SRPK2: variants seen among roughly 807,000 people sequenced by gnomAD.
SRPK2 encodes the protein SFRS protein kinase 2.
Under a neutral mutation model 90.8 loss-of-function variants are expected in SRPK2, and 21 were observed. The observed-to-expected ratio is 0.23, with a 90% CI of 0.16 to 0.33. SRPK2 has a LOEUF of 0.33. Ranked by LOEUF, SRPK2 falls within the 10% of genes least tolerant of loss-of-function variation. SRPK2 has a pLI of 1.00. For synonymous variants in SRPK2, 288 were observed against 311.1 expected (o/e 0.93, Z 0.78); for missense variants, 620 against 869.0 (o/e 0.71, Z 3.60).
At position 105,203,759 on chromosome 7, in the gene SRPK2, A is replaced by G; in HGVS notation, c.98T>C (p.Leu33Ser). The G allele has an allele frequency of 6.2e-7, 1 of 1,600,240 alleles. No individual in the cohort carries two copies. The highest frequency in any genetic ancestry group is 8.5e-7 in the Non-Finnish European group (1 of 1,173,146). The change falls in exon 3 of 16, where the codon TTA (leucine) becomes TCA (serine). Residue 33 changes from leucine (L) to serine (S), a missense_variant. Leu to Ser is a moderately radical substitution (Grantham distance 145). Coordinates refer to ENST00000393651, the MANE Select transcript of SRPK2 (RefSeq NM_182692.3). The stretch of plus-strand genomic sequence containing the variant: ...TGGTGGCGGTGGAGGAGGAGGAACT[A>G]AAGGAGCTTTCTGTTGAGGCTCCGG... ...KKPEPQQKAP[L>S]VPPPPPPPPP...
chr7:105,300,129 T>C (rs2131228816), intron 2 of SRPK2, among the ~76,000 whole-genome samples: 1 of 151,886 alleles, frequency 6.6e-6, no homozygotes, highest in Admixed American at 6.6e-5. Context: ...GGCGTGCATC[T>C]GTAGGCCCCG....
chr7:105,227,037 G>A (rs1798799904), intron 2 of SRPK2, among the ~76,000 whole-genome samples: 1 of 152,058 alleles, frequency 6.6e-6, no homozygotes, highest in Non-Finnish European at 1.5e-5. Flanking sequence ...GCGCTTGTGT[G>A]TCACCAGATT....
At chr7:105,362,387 C>T (rs2132281674) in intron 2 of SRPK2, among the ~76,000 whole-genome samples, 1 of 152,120 alleles carries the variant, frequency 6.6e-6, no homozygotes, top group South Asian at 2.1e-4. Context: ...GCGGGTGGAT[C>T]ACAAGGTTGG....
At chr7:105,287,604 C>T (rs1042299232) in intron 2 of SRPK2, among the ~76,000 whole-genome samples, 2 of 151,922 alleles carry the variant, frequency 1.3e-5, no homozygotes, top group Non-Finnish European at 2.9e-5. Context: ...GGTGTGGTGG[C>T]ACATGCCTGC....
At chr7:105,291,173 C>T (rs1407721256) in intron 2 of SRPK2, among the ~76,000 whole-genome samples, 2 of 151,888 alleles carry the variant, frequency 1.3e-5, no homozygotes, top group East Asian at 1.9e-4. Context: ...GGACTTAAGT[C>T]GGTACTGGTA....
intron 2 of SRPK2, among the ~76,000 whole-genome samples, chr7:105,324,249 T>C (rs1334317376): frequency 6.6e-6 from 1 of 151,942 alleles, no homozygotes; most frequent in Non-Finnish European, 1.5e-5. Flanking sequence ...CCTCATGATC[T>C]GCCCATCTCA....
At chr7:105,281,865 G>A (rs1009767653) in intron 2 of SRPK2, among the ~76,000 whole-genome samples, 24 of 152,142 alleles carry the variant, frequency 1.6e-4, no homozygotes, top group Non-Finnish European at 5.9e-5. Context: ...ATTTAATATT[G>A]TTAAGATGGC....
chr7:105,386,569 T>A (rs1040019810), intron 2 of SRPK2, among the ~76,000 whole-genome samples: 2 of 151,034 alleles, frequency 1.3e-5, no homozygotes, highest in Non-Finnish European at 2.9e-5. Context: ...ACAAAAAAAA[T>A]AGCTAGGCTT....
intron 7 of SRPK2, among the ~76,000 whole-genome samples, chr7:105,149,102 G>A (rs1338349616): frequency 3.8e-4 from 58 of 152,246 alleles, no homozygotes; most frequent in Admixed American, 3.5e-3. Flanking sequence ...TCTGTGCTGA[G>A]ATGGATTAGT....
chr7:105,200,954 T>C (rs1396770351), intron 3 of SRPK2, among the ~76,000 whole-genome samples: 3 of 152,212 alleles, frequency 2.0e-5, no homozygotes, highest in African/African-American at 7.2e-5. Context: ...GTATCAGTGT[T>C]AAATTTCTGA....
At chr7:105,200,697 G>A (rs1460710481) in intron 3 of SRPK2, among the ~76,000 whole-genome samples, 2 of 152,212 alleles carry the variant, frequency 1.3e-5, no homozygotes, top group East Asian at 3.9e-4. Context: ...AGGATTTAAT[G>A]CAAAAAGACA....
intron 13 of SRPK2, among the ~76,000 whole-genome samples, chr7:105,130,566 AC>A (rs917125535): frequency 6.6e-6 from 1 of 151,536 alleles, no homozygotes; most frequent in African/African-American, 2.4e-5. Flanking sequence ...AACAAACAAA[AC>A]CCTCAAAGAC....
At chr7:105,154,647 TATA>T (rs567594772) in intron 7 of SRPK2, among the ~76,000 whole-genome samples, 50 of 152,106 alleles carry the variant, frequency 3.3e-4, no homozygotes, top group Non-Finnish European at 6.5e-4. Flanking sequence ...GGTTACATAT[TATA>T]ATATCTACTT....
chr7:105,370,613 TTTC>T (rs1411196069), intron 2 of SRPK2, among the ~76,000 whole-genome samples: 5 of 125,340 alleles, frequency 4.0e-5, no homozygotes, highest in Non-Finnish European at 9.2e-5. Context: ...ATTTTTTTTC[TTTC>T]TTTTTTTTTT....
intron 2 of SRPK2, among the ~76,000 whole-genome samples, chr7:105,363,807 G>A (rs1461932411): frequency 6.6e-6 from 1 of 152,096 alleles, no homozygotes; most frequent in Non-Finnish European, 1.5e-5. Flanking sequence ...ATGATAGAGT[G>A]GATTAAGAAA....
chr7:105,126,234 A>C lies in SRPK2; in HGVS notation c.1915+14T>G. 1 of 1,596,830 alleles carries C rather than the reference A, an allele frequency of 6.3e-7. No homozygotes were observed. Among genetic ancestry groups the C allele is most frequent in the Non-Finnish European group, 8.6e-7 (1 of 1,164,662 alleles). On this transcript the variant is annotated intron_variant, in intron 15 of 15. Coordinates refer to ENST00000393651, the MANE Select transcript of SRPK2 (RefSeq NM_182692.3). ...GTCTGCATCGTGGCGCTTTTCAAAA[A>C]GAAGAGGTACTACCTCTGCGATTGA...
At chr7:105,115,879 CAT>C (rs1562942465), downstream of SRPK2, among the ~76,000 whole-genome samples, 1 of 151,784 alleles carries the variant, frequency 6.6e-6, no homozygotes, top group East Asian at 1.9e-4. Context: ...GGATGTTTCT[CAT>C]AGAAATCACG....
At chr7:105,265,933 C>A (rs994829781) in intron 2 of SRPK2, among the ~76,000 whole-genome samples, 1 of 151,820 alleles carries the variant, frequency 6.6e-6, no homozygotes, top group Non-Finnish European at 1.5e-5. Context: ...GAGTTTTTTT[C>A]TCTCTCTTCA....
At chr7:105,278,623 T>C (rs1344006539) in intron 2 of SRPK2, among the ~76,000 whole-genome samples, 1 of 150,850 alleles carries the variant, frequency 6.6e-6, no homozygotes, top group Admixed American at 6.6e-5. Context: ...GAGGCAGAGG[T>C]TGTGGTGAGC....
Sources: allele counts gnomAD v4.1 joint callset (sites outside exome capture counted in the v4.1 genomes callset), GRCh38; gene constraint gnomAD v4.1.1; transcripts MANE v1.5; gene names NCBI Gene and HGNC (gene_info 2026-07-23, HGNC 2026-07-21).